Variants in POLA1 observed in about 807,000 individuals in gnomAD.
POLA1 encodes DNA polymerase alpha catalytic subunit.
Under a neutral mutation model 124.0 loss-of-function variants are expected in POLA1, and 15 were observed. The observed-to-expected ratio is 0.12, with a 90% CI of 0.08 to 0.19. POLA1 has a LOEUF of 0.19. Ranked by LOEUF, POLA1 falls within the 10% of genes least tolerant of loss-of-function variation. The pLI, the probability that POLA1 is intolerant of heterozygous loss-of-function variation, is 1.00. For missense variants in POLA1, 886 were observed against 1,103.4 expected, an observed-to-expected ratio of 0.80 and a Z score of 2.79; for synonymous variants, 408 against 389.4, an observed-to-expected ratio of 1.05 and a Z score of -0.56.
chrX:24,801,924 G>GGGGTGTGTGTGTGTGT (rs759368851), intron 26 of POLA1, among the ~76,000 whole-genome samples: 20 of 74,539 alleles, frequency 2.7e-4, no homozygotes, highest in African/African-American at 9.3e-4. Context: ...GAGGTGGGTG[G>GGGGTGTGTGTGTGTGT]GTGTGTGTGT....
intron 34 of POLA1, among the ~76,000 whole-genome samples, chrX:24,867,220 T>TA (rs2147107207): frequency 8.9e-6 from 1 of 111,766 alleles, no homozygotes; most frequent in South Asian, 3.7e-4. Flanking sequence ...GACTTTTTTT[T>TA]ATCCTTCTCA....
rs781378764 is a variant in POLA1 at position 24,735,499 on chromosome X, G to A, written c.1923+11G>A. On this transcript the variant is annotated intron_variant, in intron 18 of 36. Transcript: ENST00000379068. ...CCTGATATCATTGTGGTGAGTAGATGTTTGATCATGTTGTGGGGAAGCTCT... is the reference window on the plus strand; with the variant it reads ...CCTGATATCATTGTGGTGAGTAGATATTTGATCATGTTGTGGGGAAGCTCT... 2.0e-6 allele frequency: 2 copies of A among 1,008,241 alleles called. No individual in the cohort carries two copies. The highest frequency in any genetic ancestry group is 3.8e-5 in the South Asian group (2 of 52,052). 83.1% of individuals were successfully genotyped at this position (1,008,241 alleles called of 1,213,427 possible). A position where few individuals can be genotyped will look rare whatever the true frequency, so the allele number is the denominator to read the frequency against.
chrX:24,925,248 T>C (rs1376719188), intron 35 of POLA1, among the ~76,000 whole-genome samples: 1 of 111,880 alleles, frequency 8.9e-6, no homozygotes, highest in African/African-American at 3.3e-5. Context: ...ATTTGATATT[T>C]TTCAGGCTTC....
intron 34 of POLA1, among the ~76,000 whole-genome samples, chrX:24,863,202 TCA>T (rs1014734225): frequency 1.8e-5 from 2 of 110,868 alleles, no homozygotes; most frequent in Non-Finnish European, 3.8e-5. Flanking sequence ...GGTAGCATAC[TCA>T]CAGAACAGAA....
intron 34 of POLA1, among the ~76,000 whole-genome samples, chrX:24,878,748 A>G (rs866497588): frequency 1.9e-5 from 2 of 104,471 alleles, no homozygotes; most frequent in African/African-American, 7.7e-5. Context: ...AAAAAAAAAA[A>G]TTTTTTTTAA....
intron 35 of POLA1, among the ~76,000 whole-genome samples, chrX:24,926,138 C>G (rs2147206331): frequency 9.2e-6 from 1 of 108,562 alleles, no homozygotes; most frequent in East Asian, 2.9e-4. Context: ...CCCAGGAGTT[C>G]AAGGCTGCAA....
chrX:24,726,157 T>A, intron 13 of POLA1, 102 bp downstream of exon 13: 1 of 514,009 alleles, frequency 1.9e-6, no homozygotes, highest in Non-Finnish European at 3.4e-6. Context: ...GCAGGGCTTC[T>A]CAAGCCCACA....
intron 36 of POLA1, among the ~76,000 whole-genome samples, chrX:24,978,594 A>G (rs1051195623): frequency 8.9e-6 from 1 of 112,163 alleles, no homozygotes; most frequent in Non-Finnish European, 1.9e-5. Context: ...AATTTTCACA[A>G]CTACCCTATG....
chrX:24,968,433 C>T (rs1303696300), intron 36 of POLA1, among the ~76,000 whole-genome samples: 2 of 111,930 alleles, frequency 1.8e-5, no homozygotes, highest in Admixed American at 1.9e-4. Context: ...GGCGCAGTGG[C>T]TCACTCCTGT....
At chrX:24,700,781 T>C (rs1928362207) in intron 2 of POLA1, among the ~76,000 whole-genome samples, 1 of 112,007 alleles carries the variant, frequency 8.9e-6, no homozygotes, top group Non-Finnish European at 1.9e-5. Context: ...AGTGCTGGGA[T>C]TACAGGCGTG....
chrX:24,982,066 TC>T (rs2048428133), intron 36 of POLA1, among the ~76,000 whole-genome samples: 1 of 107,374 alleles, frequency 9.3e-6, no homozygotes, highest in Admixed American at 1.0e-4. Context: ...CCTTCTCAGG[TC>T]CCTTTTTTTT....
At chrX:24,771,486 G>A (rs779167070) in intron 26 of POLA1, among the ~76,000 whole-genome samples, 20 of 111,487 alleles carry the variant, frequency 1.8e-4, no homozygotes, top group Non-Finnish European at 3.4e-4. Context: ...CAGGGTCATC[G>A]AGTCATAACT....
chrX:24,759,935 T>TC (rs1391576619), intron 26 of POLA1, among the ~76,000 whole-genome samples: 1 of 112,723 alleles, frequency 8.9e-6, no homozygotes, highest in Non-Finnish European at 1.9e-5. Flanking sequence ...GGTATCTATT[T>TC]CTTTTTCACA....
chrX:24,738,606 T>C (rs756079939), intron 19 of POLA1, among the ~76,000 whole-genome samples: 1 of 111,790 alleles, frequency 8.9e-6, no homozygotes, highest in South Asian at 3.8e-4. Flanking sequence ...ATCATGTAAG[T>C]AGTAAGGGGA....
At chrX:24,704,809 A>G (rs1179245699) in intron 4 of POLA1, among the ~76,000 whole-genome samples, 4 of 112,213 alleles carry the variant, frequency 3.6e-5, no homozygotes, top group Non-Finnish European at 1.9e-5. Context: ...CTGAAGTTAT[A>G]TACTTAGAAT....
intron 4 of POLA1, among the ~76,000 whole-genome samples, chrX:24,707,963 C>T (rs1226541726): frequency 8.9e-6 from 1 of 111,925 alleles, no homozygotes; most frequent in Non-Finnish European, 1.9e-5. Flanking sequence ...CCACTGCACT[C>T]CAGCCTGGGT....
At position 24,894,085 on chromosome X, in the gene POLA1, C is replaced by T. The variant is rs542929173; in HGVS notation, c.4164+5963C>T. Among the ~76,000 whole-genome samples, 16 of 111,877 alleles carry T rather than the reference C, an allele frequency of 1.4e-4. No individual in the cohort carries two copies. The South Asian group carries it at 6.1e-3, about 42-fold the overall frequency. ...ACCCAATATTCCTGAGTCTTCGTTTCTCTAGAGCTCTGCTTTCAGAATAAT... is the reference window on the plus strand; with the variant it reads ...ACCCAATATTCCTGAGTCTTCGTTTTTCTAGAGCTCTGCTTTCAGAATAAT... On this transcript the variant is annotated intron_variant, in intron 35 of 36. Coordinates refer to ENST00000379068, the MANE Select transcript of POLA1 (RefSeq NM_001330360.2).
intron 26 of POLA1, among the ~76,000 whole-genome samples, chrX:24,798,060 C>T (rs753276953): frequency 2.7e-5 from 3 of 110,539 alleles, no homozygotes; most frequent in Non-Finnish European, 5.7e-5. Context: ...AAAAAAAGCA[C>T]AAAGTTCAAA....
chrX:24,747,503 A>G lies in POLA1; in HGVS notation c.2692-808A>G, dbSNP rs748882954. 1.6e-4 allele frequency among the ~76,000 whole-genome samples: 18 copies of G among 110,870 alleles called. No homozygotes were observed. The South Asian group carries it at 5.3e-3, about 33-fold the overall frequency. ...AAATTTGCTGATTTATTAGCTTTTA[A>G]TTATTAGTCTACAGCATTTACAATA... is the stretch of plus-strand genomic sequence containing the variant. On this transcript the variant is annotated intron_variant, in intron 24 of 36. Transcript: ENST00000379068.
Sources: gnomAD v4.1 joint callset for allele counts (sites outside exome capture counted in the v4.1 genomes callset) on GRCh38, gnomAD v4.1.1 for gene constraint, MANE v1.5 for transcripts, NCBI Gene and HGNC (gene_info 2026-07-23, HGNC 2026-07-21) for gene names.